Variants in PDE4D observed in about 807,000 individuals in gnomAD.
PDE4D encodes the protein phosphodiesterase 4D.
Under a neutral mutation model 87.4 loss-of-function variants are expected in PDE4D, and 24 were observed. The observed-to-expected ratio is 0.27, with a 90% CI of 0.20 to 0.39. The LOEUF is 0.39. PDE4D is among the 10% of genes least tolerant of loss of function. The pLI is 1.00. For missense variants in PDE4D, 714 were observed against 1,041.0 expected, an observed-to-expected ratio of 0.69 and a Z score of 4.32; for synonymous variants, 384 against 383.2, an observed-to-expected ratio of 1.00 and a Z score of -0.02.
chr5:59,529,789 G>A (rs147023507), intron 1 of PDE4D, among the ~76,000 whole-genome samples: 363 of 152,190 alleles, frequency 2.4e-3, no homozygotes, highest in African/African-American at 8.3e-3. Flanking sequence ...TAGGTATCTC[G>A]TGAGCACCAG....
At chr5:59,837,132 C>G (rs1742246558) in intron 1 of PDE4D, among the ~76,000 whole-genome samples, 1 of 152,030 alleles carries the variant, frequency 6.6e-6, no homozygotes, top group South Asian at 2.1e-4. Flanking sequence ...TCATTCTAAC[C>G]CCACTTCCCT....
intron 5 of PDE4D, among the ~76,000 whole-genome samples, chr5:59,170,480 A>T (rs1247027617): frequency 6.6e-6 from 1 of 152,198 alleles, no homozygotes; most frequent in Non-Finnish European, 1.5e-5. Context: ...GGCGGGTCTC[A>T]CCAGTGCCCT....
intron 1 of PDE4D, among the ~76,000 whole-genome samples, chr5:60,293,854 TG>T (rs933806613): frequency 1.3e-5 from 2 of 152,166 alleles, no homozygotes; most frequent in Non-Finnish European, 2.9e-5. Context: ...GATTAATATG[TG>T]GGTTTATGAA....
chr5:59,492,558 C>T (rs1031594529), intron 1 of PDE4D, among the ~76,000 whole-genome samples: 1 of 152,262 alleles, frequency 6.6e-6, no homozygotes, highest in East Asian at 1.9e-4. Flanking sequence ...AGATTAAACC[C>T]TCAAATTAGT....
chr5:59,345,037 A>C (rs1030370900), intron 1 of PDE4D, among the ~76,000 whole-genome samples: 1 of 152,172 alleles, frequency 6.6e-6, no homozygotes, highest in Non-Finnish European at 1.5e-5. Context: ...AGATGACATA[A>C]AAATGAGGAA....
At chr5:59,989,642 A>C (rs2062704992) in intron 2 of PDE4D, among the ~76,000 whole-genome samples, 1 of 152,148 alleles carries the variant, frequency 6.6e-6, no homozygotes, top group Admixed American at 6.5e-5. Flanking sequence ...AATTTTGCAA[A>C]TTTGATCCAT....
chr5:59,254,856 C>T (rs1445825794), intron 1 of PDE4D, among the ~76,000 whole-genome samples: 1 of 152,108 alleles, frequency 6.6e-6, no homozygotes, highest in Non-Finnish European at 1.5e-5. Flanking sequence ...TATGTATGTA[C>T]AGTCTTAGCA....
intron 6 of PDE4D, chr5:58,999,397 C>CTGAT: frequency 1.9e-6 from 1 of 539,604 alleles, no homozygotes; most frequent in South Asian, 3.5e-5. Context: ...GAATACATAA[C>CTGAT]TGATAGTTTG....
intron 1 of PDE4D, among the ~76,000 whole-genome samples, chr5:59,426,998 TACACAC>T (rs3061709): frequency 0.11 from 14,172 of 124,794 alleles, 790 homozygotes; most frequent in Middle Eastern, 0.19. Flanking sequence ...CTTGAAGCTA[TACACAC>T]ACACACACAC....
Position 60,196,546 on chromosome 5 carries a change from G to A in PDE4D, c.-89-10859C>T, listed in dbSNP as rs973522950. 2.0e-5 allele frequency among the ~76,000 whole-genome samples: 3 copies of A among 151,614 alleles called. 1 individual carries two copies. The highest frequency in any genetic ancestry group is 4.4e-5 in the Non-Finnish European group (3 of 67,782). ...AGTGGGAGGTGTCTAGAGCAGTTTC[G>A]TCCTGTGAATCATAGGACAGCATGG... On this transcript the variant is annotated intron_variant, in intron 1 of 16. Coordinates refer to the PDE4D transcript ENST00000502484.
chr5:59,485,376 C>T (rs1335171181), intron 1 of PDE4D, among the ~76,000 whole-genome samples: 15 of 151,966 alleles, frequency 9.9e-5, no homozygotes, highest in Admixed American at 9.8e-4. Flanking sequence ...GACATCTGGC[C>T]CTGCTTATAT....
intron 1 of PDE4D, among the ~76,000 whole-genome samples, chr5:59,360,913 C>T (rs1484470974): frequency 6.6e-6 from 1 of 152,070 alleles, no homozygotes; most frequent in Admixed American, 6.6e-5. Flanking sequence ...CAAACAGACA[C>T]AAACTGTAAT....
chr5:59,476,339 T>C (rs1292292502), intron 1 of PDE4D, among the ~76,000 whole-genome samples: 1 of 152,088 alleles, frequency 6.6e-6, no homozygotes, highest in East Asian at 1.9e-4. Context: ...ATTACATAGA[T>C]GTGTTCACTT....
chr5:59,567,964 A>G (rs918949819), intron 1 of PDE4D, among the ~76,000 whole-genome samples: 4 of 152,214 alleles, frequency 2.6e-5, no homozygotes, highest in South Asian at 2.1e-4. Flanking sequence ...TCTGTCAGCC[A>G]AGAAGGCCAA....
intron 1 of PDE4D, among the ~76,000 whole-genome samples, chr5:60,496,672 A>G (rs1011189776): frequency 2.0e-5 from 3 of 152,158 alleles, no homozygotes; most frequent in Non-Finnish European, 2.9e-5. Context: ...TCTCACAACA[A>G]CCTCTAAGAG....
At chr5:59,131,597 AACACACACACAC>A (rs34161581) in intron 5 of PDE4D, among the ~76,000 whole-genome samples, 11,830 of 118,074 alleles carry the variant, frequency 0.1, 628 homozygotes, top group Admixed American at 0.16. Flanking sequence ...GCCAATTTAA[AACACACACACAC>A]ACACACACAC....
chr5:60,376,045 G>GTA (rs749367982), intron 1 of PDE4D, among the ~76,000 whole-genome samples: 7 of 152,000 alleles, frequency 4.6e-5, no homozygotes, highest in African/African-American at 1.5e-4. Context: ...CTAAACATAC[G>GTA]TATATATATC....
intron 1 of PDE4D, among the ~76,000 whole-genome samples, chr5:59,369,720 G>A (rs1047773103): frequency 5.9e-5 from 9 of 152,058 alleles, no homozygotes; most frequent in African/African-American, 2.2e-4. Context: ...TCTGTAAACG[G>A]TCTCAGCAGG....
chr5:60,070,570 T>TA (rs1182913724), intron 2 of PDE4D, among the ~76,000 whole-genome samples: 13 of 152,060 alleles, frequency 8.5e-5, no homozygotes, highest in Non-Finnish European at 1.8e-4. Flanking sequence ...ATAATCCCCT[T>TA]AATGTGCTCT....
Sources: allele counts gnomAD v4.1 joint callset (sites outside exome capture counted in the v4.1 genomes callset), GRCh38; gene constraint gnomAD v4.1.1; transcripts MANE v1.5; gene names NCBI Gene and HGNC (gene_info 2026-07-23, HGNC 2026-07-21).